SYNE1: variants seen among roughly 807,000 people sequenced by gnomAD.
SYNE1 encodes the protein nesprin-1.
SYNE1 carries 616 observed loss-of-function variants against 1,111.0 expected under a neutral mutation model. The observed-to-expected ratio is 0.55, with a 90% CI of 0.52 to 0.59. The LOEUF (loss-of-function observed/expected upper bound fraction) is 0.59, where lower values mean the gene tolerates loss of function less well. Among genes scored for constraint, SYNE1 ranks in the 20% least tolerant of loss-of-function variants. The pLI, the probability that SYNE1 is intolerant of heterozygous loss-of-function variation, is 0.00. For synonymous variants in SYNE1, 3,855 were observed against 3,825.8 expected (o/e 1.01, Z -0.28); for missense variants, 10,006 against 10,417.0 (o/e 0.96, Z 1.72).
At chr6:152,186,575 AAAAAAAAAAAAAAAAAAAAAAG>A (rs1427024265) in intron 128 of SYNE1, among the ~76,000 whole-genome samples, 138 of 144,624 alleles carry the variant, frequency 9.5e-4, no homozygotes, top group African/African-American at 3.3e-3. Flanking sequence ...AAAAAAAAAA[AAAAAAAAAAAAAAAAAAAAAAG>A]AAGAAGAAGA....
At chr6:152,371,853 G>C (rs1442885882) in intron 59 of SYNE1, among the ~76,000 whole-genome samples, 13 of 5,836 alleles carry the variant, frequency 2.2e-3, no homozygotes, top group African/African-American at 5.1e-3. Flanking sequence ...GACAGGAAAG[G>C]AAAGGAAAGG....
chr6:152,481,574 A>C (rs1023747739), intron 14 of SYNE1: 1 of 453,464 alleles, frequency 2.2e-6, no homozygotes, highest in Non-Finnish European at 4.4e-6. Context: ...ATAAATAAAC[A>C]AATGCCAGTT....
intron 16 of SYNE1, among the ~76,000 whole-genome samples, chr6:152,468,936 A>G (rs2098788220): frequency 6.6e-6 from 1 of 152,060 alleles, no homozygotes; most frequent in Non-Finnish European, 1.5e-5. Context: ...CCATGACACC[A>G]GGCTAAATTT....
intron 123 of SYNE1, 33 bp from the exon 124 acceptor site, chr6:152,211,621 G>C (rs778698395): frequency 3.1e-5 from 49 of 1,575,076 alleles, no homozygotes; most frequent in Non-Finnish European, 4.1e-5. Flanking sequence ...ACATACTTTA[G>C]AGTTCCTAAT....
rs142315817 is a variant in SYNE1, at chr6:152,168,520, C to T, written c.23628-4195G>A. On this transcript the variant is annotated intron_variant, in intron 130 of 145. Transcript: ENST00000367255. Reference sequence around the variant, plus strand: ...AAAGAAAGGACAGCAAAAACAACATCGGCTGCACACACTCTGCTGTTCTGT... The same window carrying T: ...AAAGAAAGGACAGCAAAAACAACATTGGCTGCACACACTCTGCTGTTCTGT... Among the ~76,000 whole-genome samples the T allele has an allele frequency of 2.9e-3, 445 of 152,312 alleles. 3 individuals carry two copies. Among genetic ancestry groups the T allele is most frequent in the Non-Finnish European group, 4.2e-3 (288 of 68,040 alleles).
intron 3 of SYNE1, among the ~76,000 whole-genome samples, chr6:152,612,270 A>T (rs1186270906): frequency 6.6e-6 from 1 of 152,074 alleles, no homozygotes; most frequent in East Asian, 1.9e-4. Context: ...AAATAAGAAA[A>T]GAGATAAGAA....
At chr6:152,185,614 G>C (rs1279081561) in intron 128 of SYNE1, among the ~76,000 whole-genome samples, 1 of 152,178 alleles carries the variant, frequency 6.6e-6, no homozygotes, top group Admixed American at 6.5e-5. Context: ...GTACGCTTTA[G>C]CTTCAAGCAT....
chr6:152,390,356 T>C lies in SYNE1; in HGVS notation c.8101A>G (p.Arg2701Gly). ...ALRSSNKEGQRVIQTQLETLK... is the reference protein window; with the variant it reads ...ALRSSNKEGQGVIQTQLETLK... ...GTCTCTAACTGAGTCTGAATCACCCTCTGACCTTCTTTGTTGCTACTTCTC... is the reference window on the plus strand; with the variant it reads ...GTCTCTAACTGAGTCTGAATCACCCCCTGACCTTCTTTGTTGCTACTTCTC... Residue 2701 changes from arginine (R) to glycine (G), a missense_variant, in exon 53 of 146, where the codon AGG becomes GGG. Arg to Gly is a moderately radical substitution (Grantham distance 125). This residue lies in a region of SYNE1 where 4,955 missense variants were observed against 5,017.2 expected (regional missense o/e 0.99). Transcript: ENST00000367255. The C allele has an allele frequency of 1.2e-6, 2 of 1,614,160 alleles. No individual in the cohort carries two copies. The highest frequency in any genetic ancestry group is 1.7e-5 in the Admixed American group (1 of 60,022).
In SYNE1 at chr6:152,168,006, T is replaced by C. The variant is rs543061699; in HGVS notation, c.23628-3681A>G. ...TCTCCCAACACCAATCCTCTTCATG[T>C]AACATTGGCAAAAACAGTTCTGGAT... On this transcript the variant is annotated intron_variant, in intron 130 of 145. Transcript: ENST00000367255. The C allele has an allele frequency of 1.7e-5, 13 of 779,368 alleles. No individual in the cohort carries two copies. The South Asian group carries it at 1.8e-4, about 11-fold the overall frequency. The allele number at this position is 779,368 out of a possible 1,614,324, so 48.3% of individuals were successfully genotyped here.
chr6:152,619,857 C>T (rs1407491), intron 3 of SYNE1, among the ~76,000 whole-genome samples: 96,404 of 151,796 alleles, frequency 0.64, 30,832 homozygotes, highest in Non-Finnish European at 0.7. Flanking sequence ...AAAGAAGAGA[C>T]GTCTTACTCT....
intron 3 of SYNE1, among the ~76,000 whole-genome samples, chr6:152,604,236 T>C (rs1335630714): frequency 1.3e-5 from 2 of 151,798 alleles, no homozygotes; most frequent in Non-Finnish European, 2.9e-5. Context: ...TTATTCTTTA[T>C]ACTGTTCTAT....
At position 152,385,657 on chromosome 6, in the gene SYNE1, T is replaced by C. The variant is rs768339928; in HGVS notation, c.8652+17A>G. 6.2e-7 allele frequency: 1 copy of C among 1,613,762 alleles called. No homozygotes were observed. The highest frequency in any genetic ancestry group is 2.2e-5 in the East Asian group (1 of 44,846). The stretch of plus-strand genomic sequence containing the variant: ...GGAATGAAGCAATGTAGATATAGCA[T>C]CTGTTCATTTCCTGACCTTAATTTT... On this transcript the variant is annotated intron_variant, in intron 55 of 145. Transcript: ENST00000367255.
At chr6:152,336,818 C>T (rs757980499) in intron 76 of SYNE1, 23 bp downstream of exon 76, 1 of 1,610,542 alleles carries the variant, frequency 6.2e-7, no homozygotes, top group Non-Finnish European at 8.5e-7. Flanking sequence ...TTTTATCTCC[C>T]TTGGGGGCAA....
intron 55 of SYNE1, among the ~76,000 whole-genome samples, chr6:152,384,251 T>C (rs1466755968): frequency 2.0e-5 from 3 of 152,188 alleles, no homozygotes; most frequent in African/African-American, 7.2e-5. Flanking sequence ...TTTCTTTGAT[T>C]CCAGAGCCTG....
intron 3 of SYNE1, among the ~76,000 whole-genome samples, chr6:152,571,109 T>G (rs2099453242): frequency 6.6e-6 from 1 of 152,226 alleles, no homozygotes; most frequent in Non-Finnish European, 1.5e-5. Flanking sequence ...AATTGACAAC[T>G]TTCTATCTCA....
intron 2 of SYNE1, among the ~76,000 whole-genome samples, chr6:152,632,276 G>T (rs1395420222): frequency 6.6e-6 from 1 of 152,044 alleles, no homozygotes; most frequent in Non-Finnish European, 1.5e-5. Flanking sequence ...ACATTTATGA[G>T]AAAATCCCCA....
intron 3 of SYNE1, among the ~76,000 whole-genome samples, chr6:152,581,666 C>A (rs770460714): frequency 2.0e-5 from 3 of 152,166 alleles, no homozygotes; most frequent in Non-Finnish European, 4.4e-5. Context: ...CACCTCATCA[C>A]TTTCCCTTGA....
At chr6:152,541,382 T>C (rs906169526) in intron 3 of SYNE1, among the ~76,000 whole-genome samples, 84 of 152,246 alleles carry the variant, frequency 5.5e-4, no homozygotes, top group African/African-American at 2.0e-3. Flanking sequence ...TTTTATTGTG[T>C]GTGTGTGACT....
At chr6:152,430,835 G>A (rs575141343) in intron 34 of SYNE1, 126 bp from the exon 35 acceptor site, 9 of 886,848 alleles carry the variant, frequency 1.0e-5, no homozygotes, top group African/African-American at 8.3e-5. Flanking sequence ...TGGTTAGAGC[G>A]CAGCTGTGAG....
Sources: allele counts gnomAD v4.1 joint callset (sites outside exome capture counted in the v4.1 genomes callset), GRCh38; gene constraint gnomAD v4.1.1; regional missense constraint gnomAD v4.1.1; transcripts MANE v1.5; gene names NCBI Gene and HGNC (gene_info 2026-07-23, HGNC 2026-07-21).